The following ADAM17 variants were observed in gnomAD, a reference collection of about 807,000 sequenced individuals.
ADAM17 encodes ADAM metallopeptidase domain 17.
In ADAM17, 39 loss-of-function variants were observed where a neutral mutation model predicts 96.7. The observed-to-expected ratio is 0.40, with a 90% CI of 0.31 to 0.53. The LOEUF (loss-of-function observed/expected upper bound fraction) is 0.53. Ranked by LOEUF, ADAM17 falls within the 20% of genes least tolerant of loss-of-function variation. ADAM17 has a pLI of 0.44. For synonymous variants in ADAM17, 344 were observed against 359.2 expected (o/e 0.96, Z 0.48); for missense variants, 777 against 1,013.2 (o/e 0.77, Z 3.17).
chr2:9,495,082 T>A (rs1328278311), intron 14 of ADAM17, among the ~76,000 whole-genome samples: 1 of 152,250 alleles, frequency 6.6e-6, no homozygotes, highest in Non-Finnish European at 1.5e-5. Context: ...AATGCTTCCC[T>A]TTGTCCCAAC....
chr2:9,490,469 TTGA>T lies in ADAM17; in HGVS notation c.2180_2182del (p.Ile727del). 1 of 1,614,058 alleles carries T rather than the reference TTGA, an allele frequency of 6.2e-7. No individual in the cohort carries two copies. The highest frequency in any genetic ancestry group is 8.5e-7 in the Non-Finnish European group (1 of 1,179,950). On this transcript the variant is annotated inframe_deletion, in exon 19 of 19. Coordinates refer to ENST00000310823, the MANE Select transcript of ADAM17 (RefSeq NM_003183.6). ...TGGAGTCTGGGGCGCAGGAAAGGGT[TTGA>T]TAATGCGAACCGATGCAGAATCCAT...
At position 9,518,217 on chromosome 2, in the gene ADAM17, A is replaced by T; in HGVS notation, c.988T>A (p.Ser330Thr). The T allele has an allele frequency of 6.8e-7, 1 of 1,473,398 alleles. No homozygotes were observed. The highest frequency in any genetic ancestry group is 9.1e-7 in the Non-Finnish European group (1 of 1,098,110). 91.3% of individuals were successfully genotyped at this position (1,473,398 alleles called of 1,614,324 possible). ...QFSFDIAEEASKVCLAHLFTY... is the reference protein window; with the variant it reads ...QFSFDIAEEATKVCLAHLFTY... The stretch of plus-strand genomic sequence containing the variant: ...AAAAGGTGTGCCAAGCAAACTTTAG[A>T]TGCTTCCTCAGCTATATCAAAGCTA... Residue 330 changes from serine to threonine, a missense_variant, in exon 9 of 19, where the codon TCT (serine) becomes ACT (threonine). Physicochemically the swap from Ser to Thr is moderately conservative, Grantham distance 58. This residue lies in a region of ADAM17 where 446 missense variants were observed against 664.7 expected (regional missense o/e 0.67). Transcript: ENST00000310823.
chr2:9,505,218 T>C lies in ADAM17; in HGVS notation c.1492A>G (p.Asn498Asp), dbSNP rs1330433357. The C allele has an allele frequency of 3.1e-6, 5 of 1,614,176 alleles. No homozygotes were observed. The highest frequency in any genetic ancestry group is 4.2e-6 in the Non-Finnish European group (5 of 1,180,032). The change falls in exon 12 of 19, where the codon AAC becomes GAC. Residue 498 changes from asparagine to aspartate, a missense_variant. Coordinates refer to ENST00000310823, the MANE Select transcript of ADAM17 (RefSeq NM_003183.6). ...CAGTCGCTGTTGCAGCAGGTGTCGTTGTTCAGATACATGATGCCAGGATCA... is the reference window on the plus strand; with the variant it reads ...CAGTCGCTGTTGCAGCAGGTGTCGTCGTTCAGATACATGATGCCAGGATCA... ...ECDPGIMYLN[N>D]DTCCNSDCTL...
chr2:9,535,601 A>T (rs563326862), intron 4 of ADAM17, among the ~76,000 whole-genome samples: 2 of 152,304 alleles, frequency 1.3e-5, no homozygotes, highest in South Asian at 4.1e-4. Flanking sequence ...TTCTCTTCCT[A>T]TTATCCATCC....
chr2:9,536,938 T>C, intron 2 of ADAM17, 110 bp from the exon 3 acceptor site: 1 of 1,262,208 alleles, frequency 7.9e-7, no homozygotes, highest in East Asian at 2.6e-5. Flanking sequence ...AATAAAACAC[T>C]ATGCAAGTTA....
intron 11 of ADAM17, among the ~76,000 whole-genome samples, chr2:9,507,568 G>T (rs756726336): frequency 6.6e-6 from 1 of 151,950 alleles, no homozygotes; most frequent in Non-Finnish European, 1.5e-5. Context: ...CTTACAAGGG[G>T]ACTCCTACTT....
chr2:9,491,269 G>T, intron 17 of ADAM17, 118 bp from the exon 18 acceptor site: 1 of 851,366 alleles, frequency 1.2e-6, no homozygotes. Context: ...GTTGTAGAAA[G>T]TGATAGCAGG....
chr2:9,521,248 G>T lies in ADAM17; in HGVS notation c.912C>A (p.Tyr304Ter). 6.2e-7 allele frequency: 1 copy of T among 1,612,726 alleles called. No individual in the cohort carries two copies. The highest frequency in any genetic ancestry group is 8.5e-7 in the Non-Finnish European group (1 of 1,178,980). ...GEKHYNMAKS[Y>*]PNEEKDAWDV... Reference sequence around the variant, plus strand: ...CCCAAGCATCCTTTTCTTCATTTGGGTAACTTTTTGCCATGTTGTAGTGCT... The same window carrying T: ...CCCAAGCATCCTTTTCTTCATTTGGTTAACTTTTTGCCATGTTGTAGTGCT... The change falls in exon 8 of 19, where the codon TAC (tyrosine) becomes TAA (stop). Residue 304 changes from tyrosine (Y) to a stop codon, truncating the protein, a stop_gained. Transcript: ENST00000310823. LOFTEE classifies it high-confidence loss of function.
intron 4 of ADAM17, among the ~76,000 whole-genome samples, chr2:9,530,945 G>C (rs868723265): frequency 6.6e-6 from 1 of 152,012 alleles, no homozygotes; most frequent in Non-Finnish European, 1.5e-5. Flanking sequence ...TCTTTCTGTA[G>C]ATTTGCACAT....
intron 13 of ADAM17, among the ~76,000 whole-genome samples, chr2:9,500,363 A>C (rs559248169): frequency 8.7e-4 from 133 of 152,352 alleles, no homozygotes; most frequent in African/African-American, 3.0e-3. Context: ...AGACAACTCC[A>C]TAAAGAATAG....
At position 9,489,318 on chromosome 2, in the gene ADAM17, T is replaced by G. The variant is rs371153381; in HGVS notation, c.*859A>C. On this transcript the variant is annotated 3_prime_UTR_variant, in exon 19 of 19. Transcript: ENST00000310823. ...TCTCACTCTGTCACCCAGGCTGGAG[T>G]GTAGTGGCGCAACCTCAGCCTCTCC... The G allele has an allele frequency of 1.2e-4, 17 of 141,896 alleles. No individual in the cohort carries two copies. Among genetic ancestry groups the G allele is most frequent in the African/African-American group, 4.7e-4 (17 of 36,468 alleles). The allele number at this position is 141,896 out of a possible 1,614,324, so 8.8% of individuals were successfully genotyped here.
In ADAM17 at chr2:9,494,710, T is replaced by C; in HGVS notation, c.1841A>G (p.Tyr614Cys). The change falls in exon 15 of 19, where the codon TAT (tyrosine) becomes TGT (cysteine). Residue 614 changes from tyrosine (Y) to cysteine (C), a missense_variant. Physicochemically the swap from Tyr to Cys is radical, Grantham distance 194. Coordinates refer to ENST00000310823, the MANE Select transcript of ADAM17 (RefSeq NM_003183.6). ...CRDLSGRCVP[Y>C]VDAEQKNLFL... ...TAAGTTCTTTTGTTCAGCATCGACATAGGGCACACAGCGGCCAGAAAGGTC... is the reference window on the plus strand; with the variant it reads ...TAAGTTCTTTTGTTCAGCATCGACACAGGGCACACAGCGGCCAGAAAGGTC... 1.2e-6 allele frequency: 2 copies of C among 1,614,128 alleles called. No individual in the cohort carries two copies. The highest frequency in any genetic ancestry group is 1.7e-6 in the Non-Finnish European group (2 of 1,179,994).
At chr2:9,490,958 T>C (rs1662088832) in intron 18 of ADAM17, 143 bp downstream of exon 18, 1 of 691,740 alleles carries the variant, frequency 1.4e-6, no homozygotes, top group Non-Finnish European at 2.4e-6. Context: ...GTCAGAAGGG[T>C]AAACATTCCA....
intron 5 of ADAM17, 138 bp downstream of exon 5, chr2:9,527,648 G>C: frequency 1.8e-6 from 1 of 553,060 alleles, no homozygotes; most frequent in Non-Finnish European, 2.8e-6. Context: ...AAAATTTCTG[G>C]AACAAACCTC....
At chr2:9,493,038 A>G in intron 16 of ADAM17, 52 bp from the exon 17 acceptor site, 4 of 1,422,536 alleles carry the variant, frequency 2.8e-6, no homozygotes, top group Non-Finnish European at 3.9e-6. Context: ...TCACAAATCT[A>G]AAGTGAAATG....
intron 1 of ADAM17, among the ~76,000 whole-genome samples, chr2:9,552,743 A>C (rs996251604): frequency 1.6e-4 from 24 of 152,222 alleles, no homozygotes; most frequent in African/African-American, 5.1e-4. Context: ...CTTCAACAAG[A>C]TATCATCATG....
intron 7 of ADAM17, among the ~76,000 whole-genome samples, chr2:9,522,787 T>C (rs530185057): frequency 8.5e-5 from 13 of 152,266 alleles, no homozygotes; most frequent in African/African-American, 3.1e-4. Flanking sequence ...CTAGACACAC[T>C]CTGTTAACAG....
In ADAM17 at chr2:9,555,750, G is replaced by A. The variant is rs973973019; in HGVS notation, c.-145C>T. 4 of 636,114 alleles carry A rather than the reference G, an allele frequency of 6.3e-6. No homozygotes were observed. Among genetic ancestry groups the A allele is most frequent in the Admixed American group, 7.5e-5 (2 of 26,838 alleles). The allele number at this position is 636,114 out of a possible 1,614,324, so 39.4% of individuals were successfully genotyped here. ...TCCCTCCCGCGCCGCCTACTGGGAA[G>A]ATTCTACCGCCAGGCTCGACGCCCC... On this transcript the variant is annotated 5_prime_UTR_variant, in exon 1 of 19. Coordinates refer to ENST00000310823, the MANE Select transcript of ADAM17 (RefSeq NM_003183.6).
At chr2:9,499,104 TTTC>T (rs1258280766) in intron 13 of ADAM17, among the ~76,000 whole-genome samples, 5 of 87,034 alleles carry the variant, frequency 5.7e-5, no homozygotes, top group South Asian at 2.8e-4. Flanking sequence ...GCTTTTTTTC[TTTC>T]TTCTTCTTTT....
Sources: allele counts gnomAD v4.1 joint callset (sites outside exome capture counted in the v4.1 genomes callset), GRCh38; gene constraint gnomAD v4.1.1; regional missense constraint gnomAD v4.1.1; transcripts MANE v1.5; gene names NCBI Gene and HGNC (gene_info 2026-07-23, HGNC 2026-07-21).